LCA5L: variants seen among roughly 807,000 people sequenced by gnomAD.
LCA5L encodes the protein lebercilin LCA5 like.
LCA5L carries 35 observed loss-of-function variants against 45.4 expected under a neutral mutation model. The ratio of observed to expected loss-of-function variants is 0.77; its 90% CI spans 0.59 to 1.02. The LOEUF (loss-of-function observed/expected upper bound fraction) is 1.02. LCA5L is among the 50% of genes least tolerant of loss of function. The probability of loss-of-function intolerance (pLI) is 0.00; values close to 1 mark genes in which losing one functional copy is unlikely to be tolerated. For synonymous variants in LCA5L, 233 were observed against 264.7 expected (o/e 0.88, Z 1.16); for missense variants, 668 against 761.6 (o/e 0.88, Z 1.45).
At position 39,423,571 on chromosome 21, in the gene LCA5L, A is replaced by G. The variant is rs116693354; in HGVS notation, c.323-81T>C. ...TGCACATATGCATAATCTCTCTCCC[A>G]TGCCCCCATGCACACACACCACACA... On this transcript the variant is annotated intron_variant, in intron 5 of 10. Coordinates refer to ENST00000288350, the MANE Select transcript of LCA5L (RefSeq NM_152505.4). 6.2e-4 allele frequency: 753 copies of G among 1,221,112 alleles called. 7 individuals carry two copies. The African/African-American group carries it at 9.8e-3, about 16-fold the overall frequency. The allele number at this position is 1,221,112 out of a possible 1,614,324, so 75.6% of individuals were successfully genotyped here.
intron 7 of LCA5L, chr21:39,414,379 C>T (rs1227649948): frequency 6.6e-6 from 1 of 152,098 alleles, no homozygotes; most frequent in Non-Finnish European, 1.5e-5. Flanking sequence ...TACTTCGGCT[C>T]ATACTGCAGA....
intron 3 of LCA5L, among the ~76,000 whole-genome samples, chr21:39,433,141 G>A (rs1886286201): frequency 6.6e-6 from 1 of 152,142 alleles, no homozygotes; most frequent in African/African-American, 2.4e-5. Context: ...TCCTGGCCGG[G>A]CACGGTGGCT....
At chr21:39,436,592 C>T (rs2076310226) in intron 2 of LCA5L, among the ~76,000 whole-genome samples, 1 of 152,154 alleles carries the variant, frequency 6.6e-6, no homozygotes, top group African/African-American at 2.4e-5. Flanking sequence ...CGCGATCCTC[C>T]TGCCTCAGCT....
Position 39,405,803 on chromosome 21 carries a change from TCACA to T in LCA5L, c.*75_*78del. 2 of 1,121,076 alleles carry T rather than the reference TCACA, an allele frequency of 1.8e-6. No individual in the cohort carries two copies. Among genetic ancestry groups the T allele is most frequent in the Non-Finnish European group, 2.5e-6 (2 of 813,502 alleles). 69.4% of individuals were successfully genotyped at this position (1,121,076 alleles called of 1,614,324 possible). On this transcript the variant is annotated 3_prime_UTR_variant, in exon 11 of 11. Transcript: ENST00000288350. ...CACACACATACATACACTCCCTCTC[TCACA>T]CATTTCAAAAATAAGATGCAAGGCA...
chr21:39,433,063 A>G (rs2075904986), intron 3 of LCA5L, among the ~76,000 whole-genome samples: 1 of 152,206 alleles, frequency 6.6e-6, no homozygotes, highest in Admixed American at 6.5e-5. Flanking sequence ...TCTCTTAAAA[A>G]TGTCTTTTAA....
chr21:39,436,022 T>C (rs985243395), intron 2 of LCA5L: 3 of 152,220 alleles, frequency 2.0e-5, no homozygotes, highest in African/African-American at 4.8e-5. Flanking sequence ...AACAGTGATG[T>C]TGAAGTAAGA....
chr21:39,414,032 G>C (rs1287789513), intron 7 of LCA5L: 1 of 152,264 alleles, frequency 6.6e-6, no homozygotes, highest in Non-Finnish European at 1.5e-5. Context: ...AGCTGGGCCA[G>C]AAGTCTAACA....
intron 7 of LCA5L, among the ~76,000 whole-genome samples, chr21:39,417,804 C>CAGCCAG (rs2041507058): frequency 6.6e-6 from 1 of 151,822 alleles, no homozygotes; most frequent in South Asian, 2.1e-4. Context: ...CTCGCTCTGT[C>CAGCCAG]GCCCAGGCTG....
At position 39,423,469 on chromosome 21, in the gene LCA5L, T is replaced by C. The variant is rs757398379; in HGVS notation, c.344A>G (p.Glu115Gly). Residue 115 changes from glutamate to glycine, a missense_variant, in exon 6 of 11, where the codon GAA becomes GGA. Glu to Gly is a moderately conservative substitution (Grantham distance 98). Transcript: ENST00000288350. The part of the protein sequence containing the change: ...QSKGQKEISV[E>G]KKHTWNASLF... Reference sequence around the variant, plus strand: ...TGATGCATTCCAGGTGTGCTTTTTTTCAACTGATATTTCCTTCTGGCCTGT... The same window carrying C: ...TGATGCATTCCAGGTGTGCTTTTTTCCAACTGATATTTCCTTCTGGCCTGT... The C allele has an allele frequency of 1.9e-5, 30 of 1,565,774 alleles. No homozygotes were observed. The highest frequency in any genetic ancestry group is 2.7e-5 in the African/African-American group (2 of 73,082).
chr21:39,444,109 CGCGGTATCA>C lies in LCA5L; in HGVS notation c.-246+17_-246+25del, dbSNP rs1292324903. Reference sequence around the variant, plus strand: ...GAGGGCAGGGACCTGTCACATTGATCGCGGTATCAGCACCCAGGTACTTACTATTCAAAA... The same window carrying C: ...GAGGGCAGGGACCTGTCACATTGATCGCACCCAGGTACTTACTATTCAAAA... On this transcript the variant is annotated intron_variant, in intron 2 of 10. Coordinates refer to ENST00000288350, the MANE Select transcript of LCA5L (RefSeq NM_152505.4). 5 of 151,748 alleles carry C rather than the reference CGCGGTATCA, an allele frequency of 3.3e-5. No individual in the cohort carries two copies. The highest frequency in any genetic ancestry group is 6.6e-5 in the Admixed American group (1 of 15,248). 9.4% of individuals were successfully genotyped at this position (151,748 alleles called of 1,614,324 possible). A position where few individuals can be genotyped will look rare whatever the true frequency, so the allele number is the denominator to read the frequency against.
chr21:39,409,169 C>T lies in LCA5L; in HGVS notation c.1282+810G>A, dbSNP rs1332476106. Reference sequence around the variant, plus strand: ...ACACTGGAGCACTGGTGCTCTCTCCCCGACTCTCCTCGTGCGAGCACTAAG... The same window carrying T: ...ACACTGGAGCACTGGTGCTCTCTCCTCGACTCTCCTCGTGCGAGCACTAAG... On this transcript the variant is annotated intron_variant, in intron 10 of 10. Transcript: ENST00000288350. This position sits in a 1 kb window ranked among gnomAD's most constrained non-coding sequence, Gnocchi z 4.2. 6.6e-6 allele frequency among the ~76,000 whole-genome samples: 1 copy of T among 152,106 alleles called. No homozygotes were observed. The highest frequency in any genetic ancestry group is 1.5e-5 in the Non-Finnish European group (1 of 68,036).
At chr21:39,420,643 T>C (rs964994909) in intron 7 of LCA5L, 63 bp downstream of exon 7, 20 of 1,402,092 alleles carry the variant, frequency 1.4e-5, no homozygotes, top group Non-Finnish European at 1.8e-5. Context: ...ATAATAGACA[T>C]AAATAGCTCA....
chr21:39,420,745 A>C lies in LCA5L; in HGVS notation c.936T>G (p.Thr312=). Residue 312 remains threonine, a synonymous_variant, in exon 7 of 11, where the codon ACT becomes ACG. Coordinates refer to ENST00000288350, the MANE Select transcript of LCA5L (RefSeq NM_152505.4). ...GAAGGTGTTTTACTTCCACCTGCAG[A>C]GTCTTGGTAGCTGTCTGAGCTGCTA... is the stretch of plus-strand genomic sequence containing the variant. ...KTLAAQTATK[T]LQVEVKHLQQ... 1 of 1,613,312 alleles carries C rather than the reference A, an allele frequency of 6.2e-7. No homozygotes were observed. Among genetic ancestry groups the C allele is most frequent in the African/African-American group, 1.3e-5 (1 of 75,050 alleles).
intron 7 of LCA5L, among the ~76,000 whole-genome samples, chr21:39,417,001 C>T (rs1569082647): frequency 6.6e-6 from 1 of 152,122 alleles, no homozygotes; most frequent in Non-Finnish European, 1.5e-5. Context: ...CATTTGGGTT[C>T]ATCTGCATTT....
At chr21:39,417,982 T>A (rs530416720) in intron 7 of LCA5L, among the ~76,000 whole-genome samples, 1 of 152,126 alleles carries the variant, frequency 6.6e-6, no homozygotes, top group African/African-American at 2.4e-5. Flanking sequence ...TTGCCAGGAT[T>A]GTCTCCATCT....
At position 39,430,015 on chromosome 21, in the gene LCA5L, AAAACAAAC is replaced by A. The variant is rs375183140; in HGVS notation, c.-91-812_-91-805del. On this transcript the variant is annotated intron_variant, in intron 3 of 10. Transcript: ENST00000288350. ...GGGTGACAGGGCCAACTCTGTCTCA[AAAACAAAC>A]AAACAAACAAACAAACAAACAAAAA... 5.5e-3 allele frequency among the ~76,000 whole-genome samples: 830 copies of A among 151,848 alleles called. 9 individuals are homozygous for A. Among genetic ancestry groups the A allele is most frequent in the African/African-American group, 0.019 (766 of 41,280 alleles).
chr21:39,419,071 C>T (rs2041814633), intron 7 of LCA5L, among the ~76,000 whole-genome samples: 1 of 152,024 alleles, frequency 6.6e-6, no homozygotes, highest in Non-Finnish European at 1.5e-5. Context: ...TTTCTTTCAT[C>T]CTCCAAATCC....
intron 2 of LCA5L, among the ~76,000 whole-genome samples, chr21:39,438,352 C>T (rs1035899011): frequency 6.6e-6 from 1 of 151,890 alleles, no homozygotes; most frequent in African/African-American, 2.4e-5. Flanking sequence ...TAGATGGGTT[C>T]AAAATGTAAA....
At position 39,410,271 on chromosome 21, in the gene LCA5L, G is replaced by A; in HGVS notation, c.1157C>T (p.Thr386Ile). ...ATTCCAAATTTGCTGTACCTTAGTT[G>A]TCAAAGGTGGAACATCTGATTTTTG... ...GTQKSDVPPL[T>I]TKGKKATGNI... The change falls in exon 9 of 11, where the codon ACA becomes ATA. Residue 386 changes from threonine (T) to isoleucine (I), a missense_variant. By Grantham distance (89) the Thr-to-Ile change is moderately conservative. Transcript: ENST00000288350. 6.3e-7 allele frequency: 1 copy of A among 1,594,556 alleles called. No homozygotes were observed. The highest frequency in any genetic ancestry group is 8.6e-7 in the Non-Finnish European group (1 of 1,167,330).
Sources: gnomAD v4.1 joint callset for allele counts (sites outside exome capture counted in the v4.1 genomes callset) on GRCh38, gnomAD v4.1.1 for gene constraint, Gnocchi (gnomAD v3.1) non-coding constraint, MANE v1.5 for transcripts, NCBI Gene and HGNC (gene_info 2026-07-23, HGNC 2026-07-21) for gene names.